Variants in SUOX observed in about 807,000 individuals in gnomAD.
SUOX encodes the protein sulfite oxidase.
A neutral mutation model predicts 41.9 loss-of-function variants in SUOX; 39 were observed. The ratio of observed to expected loss-of-function variants is 0.93; its 90% confidence interval spans 0.72 to 1.21. SUOX has a LOEUF of 1.21. SUOX is among the 50% of genes most tolerant of loss of function. The pLI is 0.00. For synonymous variants in SUOX, 220 were observed against 268.4 expected, an observed-to-expected ratio of 0.82 and a Z score of 1.76; for missense variants, 633 against 689.5, an observed-to-expected ratio of 0.92 and a Z score of 0.92.
chr12:56,002,685 G>C lies in SUOX; in HGVS notation c.193G>C (p.Gly65Arg). 1 of 1,614,116 alleles carries C rather than the reference G, an allele frequency of 6.2e-7. No individual in the cohort carries two copies. Among genetic ancestry groups the C allele is most frequent in the Non-Finnish European group, 8.5e-7 (1 of 1,180,024 alleles). The change falls in exon 4 of 5, where the codon GGT (glycine) becomes CGT (arginine). Residue 65 changes from glycine (G) to arginine (R), a missense_variant. Coordinates refer to ENST00000266971, the MANE Select transcript of SUOX (RefSeq NM_001032386.2). ...WRVMGTLLGLGAVLAYQDHRC... is the reference protein window; with the variant it reads ...WRVMGTLLGLRAVLAYQDHRC... ...AGTCATGGGGACCCTATTAGGTCTC[G>C]GTGCAGTGTTGGCCTATCAGGACCA... is the stretch of plus-strand genomic sequence containing the variant.
At chr12:56,000,209 C>G (rs1395981478) in intron 2 of SUOX, among the ~76,000 whole-genome samples, 1 of 152,166 alleles carries the variant, frequency 6.6e-6, no homozygotes, top group Admixed American at 6.5e-5. Context: ...CGGTGCTCCT[C>G]GGGGAGGCTT....
At chr12:55,998,791 C>T in intron 2 of SUOX, among the ~76,000 whole-genome samples, 1 of 151,004 alleles carries the variant, frequency 6.6e-6, no homozygotes, top group East Asian at 1.9e-4. Flanking sequence ...GACACTTGCT[C>T]CATCGCCCAG....
intron 2 of SUOX, among the ~76,000 whole-genome samples, chr12:56,000,309 C>G (rs190212795): frequency 1.6e-4 from 24 of 152,374 alleles, no homozygotes; most frequent in African/African-American, 5.5e-4. Context: ...AGCTAAGGCC[C>G]GGCGAGAAAT....
At position 56,003,737 on chromosome 12, in the gene SUOX, C is replaced by T; in HGVS notation, c.348C>T (p.Asp116=). The change falls in exon 5 of 5, where the codon GAC becomes GAT. Residue 116 remains aspartate, a synonymous_variant. Transcript: ENST00000266971. The stretch of plus-strand genomic sequence containing the variant: ...TCTTTGATGTCACAGAATTTGTGGA[C>T]CTACATCCAGGGGGGCCTTCAAAGC... ...SEVFDVTEFV[D]LHPGGPSKLM... The T allele has an allele frequency of 6.2e-7, 1 of 1,613,046 alleles. No homozygotes were observed.
Position 56,004,611 on chromosome 12 carries a change from G to A in SUOX, c.1222G>A (p.Asp408Asn). Residue 408 changes from aspartate (D) to asparagine (N), a missense_variant, in exon 5 of 5, where the codon GAC becomes AAC. Physicochemically the swap from Asp to Asn is conservative, Grantham distance 23 (BLOSUM62 1). Transcript: ENST00000266971. This position sits in a 1 kb window ranked among gnomAD's most constrained non-coding sequence, Gnocchi z 4.5. ...RDYKGFSPSV[D>N]WETVDFDSAP... ...TTACAAAGGCTTCTCTCCATCTGTG[G>A]ACTGGGAGACTGTAGATTTTGACTC... is the stretch of plus-strand genomic sequence containing the variant. 1 of 1,614,232 alleles carries A rather than the reference G, an allele frequency of 6.2e-7. No homozygotes were observed. The highest frequency in any genetic ancestry group is 8.5e-7 in the Non-Finnish European group (1 of 1,180,052).
rs141041911 is a variant in SUOX at position 56,004,292 on chromosome 12, G to C, written c.903G>C (p.Val301=). ...ARWAGARLCD[V]LAQAGHQLCE... is the part of the protein sequence containing the mutation. Reference sequence around the variant, plus strand: ...GGGCTGGGGCACGGCTCTGTGATGTGTTAGCCCAGGCTGGCCACCAACTCT... The same window carrying C: ...GGGCTGGGGCACGGCTCTGTGATGTCTTAGCCCAGGCTGGCCACCAACTCT... Residue 301 remains valine (V), a synonymous_variant, in exon 5 of 5, where the codon GTG becomes GTC. Transcript: ENST00000266971. This position sits in a 1 kb window ranked among gnomAD's most constrained non-coding sequence, Gnocchi z 4.5. The C allele has an allele frequency of 1.7e-5, 27 of 1,614,102 alleles. No homozygotes were observed. Among genetic ancestry groups the C allele is most frequent in the Non-Finnish European group, 2.3e-5 (27 of 1,180,018 alleles).
chr12:56,005,374 C>G lies in SUOX; in HGVS notation c.*347C>G, dbSNP rs908732524. 5.2e-6 allele frequency: 3 copies of G among 581,384 alleles called. No individual in the cohort carries two copies. The African/African-American group carries it at 5.6e-5, about 11-fold the overall frequency. 36.0% of individuals were successfully genotyped at this position (581,384 alleles called of 1,614,324 possible). A position where few individuals can be genotyped will look rare whatever the true frequency, so the allele number is the denominator to read the frequency against. Reference sequence around the variant, plus strand: ...GTTTTGCTTTTCTTTTTGGATTGTTCAGAGAAATGTGTGTGGCATGTGTAA... The same window carrying G: ...GTTTTGCTTTTCTTTTTGGATTGTTGAGAGAAATGTGTGTGGCATGTGTAA... On this transcript the variant is annotated 3_prime_UTR_variant, in exon 5 of 5. Coordinates refer to ENST00000266971, the MANE Select transcript of SUOX (RefSeq NM_001032386.2).
At chr12:55,998,056 C>T (rs922798057) in intron 2 of SUOX, among the ~76,000 whole-genome samples, 11 of 152,090 alleles carry the variant, frequency 7.2e-5, no homozygotes, top group African/African-American at 2.7e-4. Flanking sequence ...TTGAGGTGGT[C>T]CGGGACCCTA....
rs766441734 is a variant in SUOX at position 56,004,401 on chromosome 12, C to T, written c.1012C>T (p.Arg338Trp). ...CTATGGAGCATCCATCCCTCTGGCTCGGGCCATGGACCCTGAAGCTGAGGT... is the reference window on the plus strand; with the variant it reads ...CTATGGAGCATCCATCCCTCTGGCTTGGGCCATGGACCCTGAAGCTGAGGT... ...TAYGASIPLA[R>W]AMDPEAEVLL... Residue 338 changes from arginine to tryptophan, a missense_variant, in exon 5 of 5, where the codon CGG (arginine) becomes TGG (tryptophan). Coordinates refer to ENST00000266971, the MANE Select transcript of SUOX (RefSeq NM_001032386.2). This position sits in a 1 kb window ranked among gnomAD's most constrained non-coding sequence, Gnocchi z 4.5. 74 of 1,613,848 alleles carry T rather than the reference C, an allele frequency of 4.6e-5. No homozygotes were observed. Among genetic ancestry groups the T allele is most frequent in the Non-Finnish European group, 5.7e-5 (67 of 1,179,902 alleles).
In SUOX at chr12:56,003,857, G is replaced by C; in HGVS notation, c.468G>C (p.Lys156Asn). 1 of 1,614,116 alleles carries C rather than the reference G, an allele frequency of 6.2e-7. No homozygotes were observed. The highest frequency in any genetic ancestry group is 8.5e-7 in the Non-Finnish European group (1 of 1,180,030). ...TGCGTGAGTTACTGGCTCAGTACAAGATTGGGGAGCTGAATCCTGAAGACA... is the reference window on the plus strand; with the variant it reads ...TGCGTGAGTTACTGGCTCAGTACAACATTGGGGAGCTGAATCCTGAAGACA... ...SHVRELLAQY[K>N]IGELNPEDKV... is the part of the protein sequence containing the mutation. Residue 156 changes from lysine to asparagine, a missense_variant, in exon 5 of 5, where the codon AAG (lysine) becomes AAC (asparagine). Lys to Asn is a moderately conservative substitution (Grantham distance 94). Coordinates refer to ENST00000266971, the MANE Select transcript of SUOX (RefSeq NM_001032386.2).
At chr12:56,001,796 C>A (rs1451669117) in intron 2 of SUOX, 2 of 453,844 alleles carry the variant, frequency 4.4e-6, no homozygotes, top group Non-Finnish European at 6.0e-6. Flanking sequence ...ACTTTTTTAT[C>A]CCTGTTTAAG....
intron 4 of SUOX, 56 bp from the exon 5 acceptor site, chr12:56,003,562 A>G (rs928258810): frequency 2.6e-6 from 4 of 1,567,492 alleles, no homozygotes; most frequent in Non-Finnish European, 3.5e-6. Context: ...CGCCCGACCA[A>G]GTGATTTCTT....
At chr12:56,000,250 G>A (rs558036937) in intron 2 of SUOX, among the ~76,000 whole-genome samples, 4 of 152,346 alleles carry the variant, frequency 2.6e-5, no homozygotes, top group East Asian at 1.9e-4. Context: ...GCGAAGGGGG[G>A]CTCAGGCATG....
chr12:56,003,506 C>A, intron 4 of SUOX, 112 bp from the exon 5 acceptor site: 1 of 998,928 alleles, frequency 1.0e-6, no homozygotes, highest in Non-Finnish European at 1.6e-6. Context: ...TGTGATCCGC[C>A]CACCTCGGCC....
rs201830071 is a variant in SUOX, at chr12:56,002,713, G to A, written c.221G>A (p.Arg74Gln). 4.6e-5 allele frequency: 75 copies of A among 1,614,048 alleles called. No homozygotes were observed. Among genetic ancestry groups the A allele is most frequent in the South Asian group, 2.2e-4 (20 of 91,072 alleles). Residue 74 changes from arginine (R) to glutamine (Q), a missense_variant, in exon 4 of 5, where the codon CGG becomes CAG. Transcript: ENST00000266971. ...LGAVLAYQDH[R>Q]CRAAQESTHI... is the part of the protein sequence containing the mutation. ...GCAGTGTTGGCCTATCAGGACCATCGGTGTAGGGTAAGTAGGGAAAGTGCT... is the reference window on the plus strand; with the variant it reads ...GCAGTGTTGGCCTATCAGGACCATCAGTGTAGGGTAAGTAGGGAAAGTGCT...
Position 56,004,122 on chromosome 12 carries a change from CTT to C in SUOX, c.735_736del (p.Ser246ProfsTer3). On this transcript the variant is annotated frameshift_variant, in exon 5 of 5. Coordinates refer to ENST00000266971, the MANE Select transcript of SUOX (RefSeq NM_001032386.2). LOFTEE classifies it high-confidence loss of function. This position sits in a 1 kb window ranked among gnomAD's most constrained non-coding sequence, Gnocchi z 4.5. ...AGCACCTGGGGGTCAGTCACTGTCT[CTT>C]TCCCTGGATGACTTGCACAACTTTC... ...VGAPGGQSLS[L>X]SLDDLHNFPR... 1 of 1,614,224 alleles carries C rather than the reference CTT, an allele frequency of 6.2e-7. No homozygotes were observed. The highest frequency in any genetic ancestry group is 8.5e-7 in the Non-Finnish European group (1 of 1,180,034).
In SUOX at chr12:56,004,080, C is replaced by T. The variant is rs368523434; in HGVS notation, c.691C>T (p.Arg231Cys). ...ACCTAACCTGGATCCAGACACCTAT[C>T]GCTTACACGTAGTAGGAGCACCTGG... is the stretch of plus-strand genomic sequence containing the variant. ...PVPNLDPDTY[R>C]LHVVGAPGGQ... is the part of the protein sequence containing the mutation. The change falls in exon 5 of 5, where the codon CGC becomes TGC. Residue 231 changes from arginine (R) to cysteine (C), a missense_variant. Physicochemically the swap from Arg to Cys is radical, Grantham distance 180. Coordinates refer to ENST00000266971, the MANE Select transcript of SUOX (RefSeq NM_001032386.2). This position sits in a 1 kb window ranked among gnomAD's most constrained non-coding sequence, Gnocchi z 4.5. The T allele has an allele frequency of 7.4e-6, 12 of 1,614,090 alleles. No individual in the cohort carries two copies. In the East Asian group the frequency reaches 2.0e-4, roughly 27 times the overall value.
rs1890695369 is a variant in SUOX at position 56,005,024 on chromosome 12, A to G, written c.1635A>G (p.Pro545=). Reference sequence around the variant, plus strand: ...ATCGTGTCCATGTCTATGTCTCCCCATGAGCATGGAAAGGAGCCACCTCCA... The same window carrying G: ...ATCGTGTCCATGTCTATGTCTCCCCGTGAGCATGGAAAGGAGCCACCTCCA... ...AWHRVHVYVS[P] The change falls in exon 5 of 5, where the codon CCA becomes CCG. Residue 545 remains proline, a synonymous_variant. Transcript: ENST00000266971. 1 of 1,610,792 alleles carries G rather than the reference A, an allele frequency of 6.2e-7. No homozygotes were observed. The highest frequency in any genetic ancestry group is 1.1e-5 in the South Asian group (1 of 91,056).
rs371991092 is a variant in SUOX at position 56,001,554 on chromosome 12, C to T, written c.-10-658C>T. 1.9e-5 allele frequency: 3 copies of T among 155,736 alleles called. No individual in the cohort carries two copies. The East Asian group carries it at 5.7e-4, about 30-fold the overall frequency. 9.6% of individuals were successfully genotyped at this position (155,736 alleles called of 1,614,324 possible). A position where few individuals can be genotyped will look rare whatever the true frequency, so the allele number is the denominator to read the frequency against. On this transcript the variant is annotated intron_variant, in intron 2 of 4. Transcript: ENST00000266971. ...CAAACATCTACTGGGGGTCGTAGAA[C>T]ATATCCCCAGTGGATAAGGGGGTAC...
Sources: allele counts gnomAD v4.1 joint callset (sites outside exome capture counted in the v4.1 genomes callset), GRCh38; gene constraint gnomAD v4.1.1; non-coding constraint Gnocchi (gnomAD v3.1); transcripts MANE v1.5; gene names NCBI Gene and HGNC (gene_info 2026-07-23, HGNC 2026-07-21).